The following DGKB variants were observed in gnomAD, a reference collection of about 807,000 sequenced individuals.
The protein encoded by DGKB is diacylglycerol kinase beta.
DGKB carries 67 observed loss-of-function variants against 114.3 expected under a neutral mutation model. The ratio of observed to expected loss-of-function variants is 0.59; its 90% CI spans 0.48 to 0.72. The LOEUF is 0.72. Ranked by LOEUF, DGKB falls within the 30% of genes least tolerant of loss-of-function variation. The probability of loss-of-function intolerance (pLI) is 0.00; values close to 1 mark genes in which losing one functional copy is unlikely to be tolerated. For synonymous variants in DGKB, 398 were observed against 323.1 expected, an observed-to-expected ratio of 1.23 and a Z score of -2.49; for missense variants, 907 against 975.2, an observed-to-expected ratio of 0.93 and a Z score of 0.93.
chr7:14,218,566 C>G (rs533728053), intron 23 of DGKB, among the ~76,000 whole-genome samples: 1 of 151,956 alleles, frequency 6.6e-6, no homozygotes, highest in Non-Finnish European at 1.5e-5. Flanking sequence ...GAAATGAATA[C>G]CTGATCTGCT....
At chr7:14,645,130 C>T (rs965971949) in intron 13 of DGKB, among the ~76,000 whole-genome samples, 2 of 152,120 alleles carry the variant, frequency 1.3e-5, no homozygotes, top group African/African-American at 4.8e-5. Context: ...ATGGACCCAT[C>T]AGCATGCATT....
intron 2 of DGKB, among the ~76,000 whole-genome samples, chr7:14,809,465 T>C (rs971691667): frequency 6.6e-6 from 1 of 152,154 alleles, no homozygotes; most frequent in Non-Finnish European, 1.5e-5. Flanking sequence ...ACAGATTATG[T>C]AGGAGATGTC....
chr7:14,505,593 TG>T (rs1482957244), intron 20 of DGKB, among the ~76,000 whole-genome samples: 1 of 152,254 alleles, frequency 6.6e-6, no homozygotes, highest in Non-Finnish European at 1.5e-5. Context: ...ACCCATGTTT[TG>T]CCTCCAAAGA....
At chr7:14,764,339 TGTGCAGAC>T (rs1014362573) in intron 2 of DGKB, among the ~76,000 whole-genome samples, 3 of 152,038 alleles carry the variant, frequency 2.0e-5, no homozygotes, top group Non-Finnish European at 4.4e-5. Flanking sequence ...TATTAATTGT[TGTGCAGAC>T]AACATAGTAG....
At chr7:14,151,667 C>G (rs1782228023) in intron 25 of DGKB, among the ~76,000 whole-genome samples, 1 of 152,028 alleles carries the variant, frequency 6.6e-6, no homozygotes, top group Non-Finnish European at 1.5e-5. Flanking sequence ...ATCATTTCTA[C>G]AGTCAAAGTA....
chr7:14,219,176 T>G lies in DGKB; in HGVS notation c.2123-41025A>C, dbSNP rs1789514387. On this transcript the variant is annotated intron_variant, in intron 23 of 25. Coordinates refer to ENST00000402815, the MANE Select transcript of DGKB (RefSeq NM_001350709.2). Reference sequence around the variant, plus strand: ...TTTCTTTATCCATTCATCCCCTGATTGGCATTTTGATTGTTTTGACCTTTG... The same window carrying G: ...TTTCTTTATCCATTCATCCCCTGATGGGCATTTTGATTGTTTTGACCTTTG... 1.3e-5 allele frequency among the ~76,000 whole-genome samples: 2 copies of G among 152,026 alleles called. 1 individual carries two copies. Among genetic ancestry groups the G allele is most frequent in the South Asian group, 4.1e-4 (2 of 4,832 alleles).
intron 13 of DGKB, among the ~76,000 whole-genome samples, chr7:14,644,116 CA>C (rs35685758): frequency 0.023 from 3,130 of 138,598 alleles, 36 homozygotes; most frequent in Non-Finnish European, 0.033. Flanking sequence ...TGATTACAGG[CA>C]AAAAAAAAAA....
At chr7:14,281,614 A>G (rs1049143428) in intron 23 of DGKB, among the ~76,000 whole-genome samples, 3 of 148,050 alleles carry the variant, frequency 2.0e-5, no homozygotes, top group East Asian at 4.0e-4. Context: ...CTTGGAAGTA[A>G]AGCTCTCCTC....
At chr7:14,428,820 C>CA (rs1438337691) in intron 21 of DGKB, among the ~76,000 whole-genome samples, 2 of 151,910 alleles carry the variant, frequency 1.3e-5, no homozygotes, top group Non-Finnish European at 2.9e-5. Flanking sequence ...GATCTGAGAA[C>CA]AAAAAAACCC....
chr7:14,642,321 G>C (rs534938863), intron 13 of DGKB, among the ~76,000 whole-genome samples: 1 of 151,866 alleles, frequency 6.6e-6, no homozygotes, highest in South Asian at 2.1e-4. Flanking sequence ...TTTATGTATG[G>C]CATTCATCTA....
intron 1 of DGKB, among the ~76,000 whole-genome samples, chr7:14,940,329 C>G (rs73681803): frequency 0.21 from 31,157 of 148,208 alleles, 5,060 homozygotes; most frequent in East Asian, 0.8. Flanking sequence ...CAGATACCTC[C>G]AGAGTCTTCA....
chr7:14,200,607 C>A (rs987536462), intron 23 of DGKB, among the ~76,000 whole-genome samples: 2 of 151,956 alleles, frequency 1.3e-5, no homozygotes, highest in African/African-American at 4.8e-5. Flanking sequence ...CATATGATTT[C>A]TTTGCCCATT....
chr7:14,426,568 T>C (rs756093632), intron 21 of DGKB, among the ~76,000 whole-genome samples: 3 of 152,154 alleles, frequency 2.0e-5, no homozygotes, highest in Non-Finnish European at 4.4e-5. Context: ...GTCCCACTGC[T>C]ACCTATTTGC....
At chr7:14,511,259 TAC>T (rs1787938244) in intron 20 of DGKB, among the ~76,000 whole-genome samples, 1 of 152,222 alleles carries the variant, frequency 6.6e-6, no homozygotes, top group African/African-American at 2.4e-5. Context: ...TTGCTTAGTG[TAC>T]ACCTTCATCA....
At chr7:14,306,998 T>A (rs183295200) in intron 23 of DGKB, among the ~76,000 whole-genome samples, 124 of 152,308 alleles carry the variant, frequency 8.1e-4, no homozygotes, top group Admixed American at 3.4e-3. Context: ...TTTCAACAGA[T>A]TTGGTGCCCT....
At chr7:14,374,633 C>T (rs1354231674) in intron 21 of DGKB, among the ~76,000 whole-genome samples, 1 of 152,180 alleles carries the variant, frequency 6.6e-6, no homozygotes, top group Non-Finnish European at 1.5e-5. Context: ...CCTGTCTTAA[C>T]AACCCTTTGG....
intron 23 of DGKB, among the ~76,000 whole-genome samples, chr7:14,313,280 C>T (rs1348966720): frequency 1.3e-5 from 2 of 152,162 alleles, no homozygotes; most frequent in East Asian, 1.9e-4. Flanking sequence ...CCAAGATGGC[C>T]GAATAGGAAC....
chr7:14,245,540 A>G (rs550989875), intron 23 of DGKB, among the ~76,000 whole-genome samples: 4 of 152,310 alleles, frequency 2.6e-5, no homozygotes, highest in Non-Finnish European at 2.9e-5. Context: ...TTCCTTGGCA[A>G]GACTAATGGT....
chr7:14,553,872 T>TC (rs1210390046), intron 20 of DGKB, among the ~76,000 whole-genome samples: 1 of 118,976 alleles, frequency 8.4e-6, no homozygotes, highest in African/African-American at 3.1e-5. Flanking sequence ...ATGCTTTTTT[T>TC]TTTTTTTTTT....
Sources: allele counts gnomAD v4.1 joint callset (sites outside exome capture counted in the v4.1 genomes callset), GRCh38; gene constraint gnomAD v4.1.1; transcripts MANE v1.5; gene names NCBI Gene and HGNC (gene_info 2026-07-23, HGNC 2026-07-21).